Variants in RALGAPB observed in about 807,000 individuals in gnomAD.
RALGAPB encodes the protein ral GTPase-activating protein subunit beta.
In RALGAPB, 25 loss-of-function variants were observed where a neutral mutation model predicts 161.1. That is an observed-to-expected ratio of 0.16 (90% CI 0.11 to 0.22). The LOEUF is 0.22. RALGAPB is among the 10% of genes least tolerant of loss of function. The pLI is 1.00. For synonymous variants in RALGAPB, 629 were observed against 626.1 expected (o/e 1.00, Z -0.07); for missense variants, 1,391 against 1,815.2 (o/e 0.77, Z 4.25).
chr20:38,529,082 G>A (rs1157491781), intron 13 of RALGAPB, among the ~76,000 whole-genome samples: 1 of 152,114 alleles, frequency 6.6e-6, no homozygotes, highest in Non-Finnish European at 1.5e-5. Flanking sequence ...CCAATTCCCT[G>A]AGTAGTTGAG....
intron 1 of RALGAPB, among the ~76,000 whole-genome samples, chr20:38,486,201 G>A (rs1381052118): frequency 6.6e-6 from 1 of 151,954 alleles, no homozygotes; most frequent in Admixed American, 6.6e-5. Flanking sequence ...TCGAACTCCT[G>A]ACCTCAGGTG....
Position 38,531,226 on chromosome 20 carries a change from G to C in RALGAPB, c.2110G>C (p.Glu704Gln). 1 of 1,600,818 alleles carries C rather than the reference G, an allele frequency of 6.2e-7. No homozygotes were observed. The highest frequency in any genetic ancestry group is 8.6e-7 in the Non-Finnish European group (1 of 1,168,156). The change falls in exon 14 of 30, where the codon GAG becomes CAG. Residue 704 changes from glutamate to glutamine, a missense_variant. This residue lies in a region of RALGAPB where 946 missense variants were observed against 1,257.2 expected (regional missense o/e 0.75). Coordinates refer to ENST00000262879, the MANE Select transcript of RALGAPB (RefSeq NM_020336.4). ...ALLEAIGCQM[E>Q]MGGGENNLKS... Reference sequence around the variant, plus strand: ...TTTGGAAGCCATTGGTTGCCAGATGGAGATGGTAAGAAGCATACATGCAAT... The same window carrying C: ...TTTGGAAGCCATTGGTTGCCAGATGCAGATGGTAAGAAGCATACATGCAAT...
chr20:38,574,007 C>G, intron 28 of RALGAPB, 143 bp from the exon 29 acceptor site: 1 of 705,930 alleles, frequency 1.4e-6, no homozygotes, highest in Non-Finnish European at 2.2e-6. Context: ...TCTGAGCACA[C>G]TGACCCCTTG....
intron 19 of RALGAPB, chr20:38,547,172 C>A (rs1046032218): frequency 1.3e-5 from 2 of 152,212 alleles, no homozygotes; most frequent in African/African-American, 4.8e-5. Context: ...TTTCCCTCCC[C>A]CTCAGTTATA....
chr20:38,566,331 A>C (rs919327407), intron 25 of RALGAPB, among the ~76,000 whole-genome samples: 3 of 152,162 alleles, frequency 2.0e-5, no homozygotes, highest in African/African-American at 7.2e-5. Flanking sequence ...CTTCCCGTCA[A>C]GGTTCTGGTT....
rs944551747 is a variant in RALGAPB at position 38,558,170 on chromosome 20, G to A, written c.3373-125G>A. The A allele has an allele frequency of 3.4e-5, 27 of 793,316 alleles. No individual in the cohort carries two copies. The African/African-American group carries it at 4.9e-4, about 14-fold the overall frequency. The allele number at this position is 793,316 out of a possible 1,614,324, so 49.1% of individuals were successfully genotyped here. A position where few individuals can be genotyped will look rare whatever the true frequency, so the allele number is the denominator to read the frequency against. The stretch of plus-strand genomic sequence containing the variant: ...TTCTTTAGTTTAGGATTATGGTTGT[G>A]TTTATTCCTACCATTCTATATTTTT... On this transcript the variant is annotated intron_variant, in intron 22 of 29. Coordinates refer to ENST00000262879, the MANE Select transcript of RALGAPB (RefSeq NM_020336.4).
At chr20:38,501,391 T>A (rs2085589626) in intron 5 of RALGAPB, among the ~76,000 whole-genome samples, 1 of 152,120 alleles carries the variant, frequency 6.6e-6, no homozygotes. Context: ...GTGGGCAGAT[T>A]AGTTGAGCTC....
At chr20:38,478,489 C>G (rs2084869800) in intron 1 of RALGAPB, among the ~76,000 whole-genome samples, 1 of 152,136 alleles carries the variant, frequency 6.6e-6, no homozygotes, top group African/African-American at 2.4e-5. Context: ...GGCGTGATCT[C>G]AGCTCACTGC....
intron 17 of RALGAPB, among the ~76,000 whole-genome samples, chr20:38,540,749 A>T (rs805541): frequency 0.98 from 149,979 of 152,326 alleles, 73,852 homozygotes; most frequent in East Asian, 1. Flanking sequence ...TTAATCTCTT[A>T]GATTTGTGCT....
intron 1 of RALGAPB, among the ~76,000 whole-genome samples, chr20:38,475,618 C>CTTTTTTTTTTTTTTTTTTTTTTTTTT (rs1230898524): frequency 7.2e-6 from 1 of 139,186 alleles, no homozygotes; most frequent in Admixed American, 7.2e-5. Flanking sequence ...TTTTTTTTTT[C>CTTTTTTTTTTTTTTTTTTTTTTTTTT]TTTTTTTTTT....
intron 4 of RALGAPB, among the ~76,000 whole-genome samples, chr20:38,498,527 A>T (rs532865747): frequency 1.9e-4 from 29 of 152,222 alleles, no homozygotes; most frequent in Non-Finnish European, 3.8e-4. Context: ...TCTGGTATTG[A>T]CAATAGCTGG....
chr20:38,535,249 G>A, intron 16 of RALGAPB, 42 bp downstream of exon 16: 1 of 1,603,190 alleles, frequency 6.2e-7, no homozygotes. Context: ...ACAGCCTTGG[G>A]CCTTGGCTGT....
At chr20:38,572,452 T>G (rs2145544015) in intron 28 of RALGAPB, among the ~76,000 whole-genome samples, 1 of 152,336 alleles carries the variant, frequency 6.6e-6, no homozygotes, top group East Asian at 1.9e-4. Context: ...AGGAGAAAGC[T>G]ACCTGAATCT....
At chr20:38,536,330 A>G (rs1404680291) in intron 16 of RALGAPB, among the ~76,000 whole-genome samples, 1 of 152,154 alleles carries the variant, frequency 6.6e-6, no homozygotes, top group East Asian at 1.9e-4. Flanking sequence ...ATGATTGGAT[A>G]ATATTTCATT....
At chr20:38,534,823 C>G (rs1009011574) in intron 15 of RALGAPB, among the ~76,000 whole-genome samples, 7 of 152,152 alleles carry the variant, frequency 4.6e-5, no homozygotes, top group African/African-American at 1.7e-4. Flanking sequence ...CTGAAACTGC[C>G]AAATCCCACG....
chr20:38,544,005 G>A (rs2087067786), intron 18 of RALGAPB, among the ~76,000 whole-genome samples: 1 of 152,192 alleles, frequency 6.6e-6, no homozygotes, highest in Non-Finnish European at 1.5e-5. Context: ...ATTATGGAGT[G>A]CAGATTAGCT....
chr20:38,506,304 T>C (rs1021695366), intron 5 of RALGAPB, among the ~76,000 whole-genome samples: 1 of 152,100 alleles, frequency 6.6e-6, no homozygotes, highest in Non-Finnish European at 1.5e-5. Flanking sequence ...TCTTTCCTTT[T>C]TTTTTTTGAC....
chr20:38,559,157 A>G (rs1445889635), intron 23 of RALGAPB, among the ~76,000 whole-genome samples: 1 of 152,244 alleles, frequency 6.6e-6, no homozygotes, highest in East Asian at 1.9e-4. Context: ...TCACAAGACA[A>G]AAGAAACTGA....
At chr20:38,475,642 T>C (rs1431250102) in intron 1 of RALGAPB, among the ~76,000 whole-genome samples, 1 of 150,984 alleles carries the variant, frequency 6.6e-6, no homozygotes, top group African/African-American at 2.4e-5. Flanking sequence ...TGAGATGCAG[T>C]CTCGCTCTGT....
Sources: gnomAD v4.1 joint callset for allele counts (sites outside exome capture counted in the v4.1 genomes callset) on GRCh38, gnomAD v4.1.1 for gene constraint, gnomAD v4.1.1 regional missense constraint, MANE v1.5 for transcripts, NCBI Gene and HGNC (gene_info 2026-07-23, HGNC 2026-07-21) for gene names.